Variants in ROBO1 observed in about 807,000 individuals in gnomAD.
ROBO1 encodes roundabout guidance receptor 1.
In ROBO1, 149 loss-of-function variants were observed where a neutral mutation model predicts 195.9. The observed-to-expected ratio is 0.76, with a 90% CI of 0.67 to 0.87. The LOEUF is 0.87. Among genes scored for constraint, ROBO1 ranks in the 40% least tolerant of loss-of-function variants. The pLI is 0.00. For synonymous variants in ROBO1, 816 were observed against 733.2 expected (o/e 1.11, Z -1.82); for missense variants, 1,933 against 2,068.3 (o/e 0.93, Z 1.27).
At chr3:79,332,307 T>C (rs1355849154) in intron 2 of ROBO1, among the ~76,000 whole-genome samples, 4 of 152,106 alleles carry the variant, frequency 2.6e-5, no homozygotes, top group Non-Finnish European at 5.9e-5. Context: ...GTCTAAGATG[T>C]GCATTTATAA....
At chr3:78,623,528 C>A (rs1237207981) in intron 26 of ROBO1, among the ~76,000 whole-genome samples, 3 of 152,102 alleles carry the variant, frequency 2.0e-5, no homozygotes, top group African/African-American at 7.2e-5. Context: ...CATTAAGGAA[C>A]CCTGCTTTTA....
chr3:79,015,097 T>A lies in ROBO1; in HGVS notation c.173-76170A>T, dbSNP rs376021151. ...CTAAGAAAAAACTTCAGGTAAACTT[T>A]CTGTTCTAAGACCTTTAAATCACAA... is the stretch of plus-strand genomic sequence containing the variant. On this transcript the variant is annotated intron_variant, in intron 3 of 30. Transcript: ENST00000464233. Among the ~76,000 whole-genome samples, 495 of 152,348 alleles carry A rather than the reference T, an allele frequency of 3.2e-3. 1 individual carries two copies. The highest frequency in any genetic ancestry group is 0.011 in the African/African-American group (478 of 41,576).
Position 79,652,620 on chromosome 3 carries a change from A to G in ROBO1, c.-50-62659T>C, listed in dbSNP as rs533876878. Among the ~76,000 whole-genome samples the G allele has an allele frequency of 5.3e-5, 8 of 152,118 alleles. No homozygotes were observed. In the South Asian group the frequency reaches 1.2e-3, roughly 24 times the overall value. ...TCATTTAGCTCAGGCTTTGGCACAT[A>G]TTTTCTATGCAACAAATGTTAATTT... is the stretch of plus-strand genomic sequence containing the variant. On this transcript the variant is annotated intron_variant, in intron 1 of 30. Transcript: ENST00000464233.
chr3:78,697,401 T>C (rs554277783), intron 8 of ROBO1, among the ~76,000 whole-genome samples: 1 of 152,252 alleles, frequency 6.6e-6, no homozygotes, highest in African/African-American at 2.4e-5. Flanking sequence ...GAAAAGACCT[T>C]TTTCATCTAA....
chr3:79,371,833 T>C (rs887042557), intron 2 of ROBO1, among the ~76,000 whole-genome samples: 2 of 152,246 alleles, frequency 1.3e-5, no homozygotes, highest in Admixed American at 1.3e-4. Context: ...CCTCATCTGA[T>C]AGGATTAATG....
intron 2 of ROBO1, among the ~76,000 whole-genome samples, chr3:79,568,696 G>C (rs1390603766): frequency 6.7e-6 from 1 of 150,016 alleles, no homozygotes; most frequent in Non-Finnish European, 1.5e-5. Context: ...GAATTCAAGG[G>C]GAATCATTTT....
intron 2 of ROBO1, among the ~76,000 whole-genome samples, chr3:79,380,749 T>G (rs1487254381): frequency 6.6e-6 from 1 of 152,100 alleles, no homozygotes; most frequent in African/African-American, 2.4e-5. Flanking sequence ...TTCCCATCCC[T>G]TAAATCTAGG....
intron 1 of ROBO1, among the ~76,000 whole-genome samples, chr3:79,736,064 T>C (rs2107387490): frequency 6.6e-6 from 1 of 152,200 alleles, no homozygotes; most frequent in South Asian, 2.1e-4. Context: ...ATTAAGTAAA[T>C]GAGGCAGAGA....
intron 3 of ROBO1, among the ~76,000 whole-genome samples, chr3:79,088,657 T>C (rs1219701896): frequency 6.6e-6 from 1 of 152,154 alleles, no homozygotes; most frequent in African/African-American, 2.4e-5. Context: ...CTCAGTATTC[T>C]AAGTAAGACT....
chr3:78,614,650 T>C lies in ROBO1; in HGVS notation c.4433A>G (p.Asp1478Gly). Residue 1478 changes from aspartate to glycine, a missense_variant and splice_region_variant, in exon 28 of 31, where the codon GAT (aspartate) becomes GGT (glycine). By Grantham distance (94) the Asp-to-Gly change is moderately conservative. Transcript: ENST00000464233. ...TTCATCCGTGTCAATGGACTCACCA[T>C]CTGTGTAGGTTTCTCTGCGCAGATG... is the stretch of plus-strand genomic sequence containing the variant. ...PGHLRRETYT[D>G]DLPPPPVPPP... The C allele has an allele frequency of 6.2e-7, 1 of 1,613,386 alleles. No individual in the cohort carries two copies. The highest frequency in any genetic ancestry group is 8.5e-7 in the Non-Finnish European group (1 of 1,179,578).
At chr3:78,816,619 G>A (rs1055463996) in intron 4 of ROBO1, among the ~76,000 whole-genome samples, 5 of 151,774 alleles carry the variant, frequency 3.3e-5, no homozygotes, top group Admixed American at 6.6e-5. Context: ...ATGGGAGGAG[G>A]CCAACATATC....
At chr3:79,030,869 G>A (rs748199619) in intron 3 of ROBO1, among the ~76,000 whole-genome samples, 4 of 152,024 alleles carry the variant, frequency 2.6e-5, no homozygotes, top group Non-Finnish European at 4.4e-5. Flanking sequence ...TTACAGGCAC[G>A]CACTGCCACA....
chr3:78,725,279 G>A (rs771592656), intron 5 of ROBO1, among the ~76,000 whole-genome samples: 1 of 151,996 alleles, frequency 6.6e-6, no homozygotes, highest in Admixed American at 6.6e-5. Context: ...CTCCTTTTTG[G>A]GAAAGAGACA....
At chr3:79,452,895 G>T (rs1009632072) in intron 2 of ROBO1, among the ~76,000 whole-genome samples, 1 of 151,978 alleles carries the variant, frequency 6.6e-6, no homozygotes, top group Non-Finnish European at 1.5e-5. Flanking sequence ...ATGTGCATTT[G>T]TGGCTGTGGT....
At chr3:79,000,570 TGA>T (rs1209699322) in intron 3 of ROBO1, among the ~76,000 whole-genome samples, 1 of 152,048 alleles carries the variant, frequency 6.6e-6, no homozygotes, top group African/African-American at 2.4e-5. Flanking sequence ...AAAACCACAA[TGA>T]GATACCATCT....
intron 2 of ROBO1, among the ~76,000 whole-genome samples, chr3:79,266,522 C>T (rs899556905): frequency 6.6e-5 from 10 of 151,586 alleles, no homozygotes; most frequent in African/African-American, 1.9e-4. Flanking sequence ...CTTCAAGAAT[C>T]CCAAACATTT....
chr3:79,681,690 A>G (rs1946953941), intron 1 of ROBO1, among the ~76,000 whole-genome samples: 1 of 151,896 alleles, frequency 6.6e-6, no homozygotes, highest in African/African-American at 2.4e-5. Flanking sequence ...CTTCCCAAGG[A>G]GATGTGGAAT....
At chr3:78,954,070 C>G (rs1482864659) in intron 3 of ROBO1, among the ~76,000 whole-genome samples, 1 of 151,578 alleles carries the variant, frequency 6.6e-6, no homozygotes, top group Non-Finnish European at 1.5e-5. Flanking sequence ...GTTGAGCATT[C>G]AACTTAAAAT....
At chr3:79,059,575 T>A (rs1490354308) in intron 3 of ROBO1, among the ~76,000 whole-genome samples, 3 of 152,038 alleles carry the variant, frequency 2.0e-5, no homozygotes, top group Non-Finnish European at 4.4e-5. Flanking sequence ...CAGAAGAACA[T>A]AAATTGTGAA....
Sources: allele counts gnomAD v4.1 joint callset (sites outside exome capture counted in the v4.1 genomes callset), GRCh38; gene constraint gnomAD v4.1.1; transcripts MANE v1.5; gene names NCBI Gene and HGNC (gene_info 2026-07-23, HGNC 2026-07-21).